The following GOPC variants were observed in gnomAD, a reference collection of about 807,000 sequenced individuals.
GOPC encodes the protein Golgi-associated PDZ and coiled-coil motif-containing protein.
A neutral mutation model predicts 51.2 loss-of-function variants in GOPC; 32 were observed. The observed-to-expected ratio is 0.63, with a 90% CI of 0.47 to 0.84. The LOEUF (loss-of-function observed/expected upper bound fraction) is 0.84, where lower values mean the gene tolerates loss of function less well. GOPC is among the 40% of genes least tolerant of loss of function. GOPC has a pLI of 0.00. For missense variants in GOPC, 441 were observed against 555.5 expected (o/e 0.79, Z 2.07); for synonymous variants, 190 against 205.1 (o/e 0.93, Z 0.63).
chr6:117,586,075 C>G (rs1388761537), intron 1 of GOPC, among the ~76,000 whole-genome samples: 2 of 152,114 alleles, frequency 1.3e-5, no homozygotes, highest in Non-Finnish European at 2.9e-5. Context: ...TTTTAAATAT[C>G]TGTATTCTCT....
At chr6:117,582,682 C>A (rs1779977756) in intron 1 of GOPC, among the ~76,000 whole-genome samples, 1 of 150,546 alleles carries the variant, frequency 6.6e-6, no homozygotes, top group East Asian at 2.0e-4. Context: ...TCCAGCTCCC[C>A]TCTCTGCTGA....
rs371647536 is a variant in GOPC at position 117,601,992 on chromosome 6, C to T, written c.285+12G>A. 3 of 1,612,546 alleles carry T rather than the reference C, an allele frequency of 1.9e-6. No individual in the cohort carries two copies. The African/African-American group carries it at 4.0e-5, about 22-fold the overall frequency. ...GGGTTGGATGCCATAGCCGCCAGCACCCACGGCTCACCTCCAGCTTGTGGT... is the reference window on the plus strand; with the variant it reads ...GGGTTGGATGCCATAGCCGCCAGCATCCACGGCTCACCTCCAGCTTGTGGT... On this transcript the variant is annotated intron_variant, in intron 1 of 8. Transcript: ENST00000368498.
chr6:117,590,787 G>A (rs565770721), intron 1 of GOPC, among the ~76,000 whole-genome samples: 1 of 152,132 alleles, frequency 6.6e-6, no homozygotes, highest in South Asian at 2.1e-4. Context: ...AGGTGAAACA[G>A]GGAATAACTA....
chr6:117,562,279 G>A lies in GOPC; in HGVS notation c.*975C>T, dbSNP rs926208967. On this transcript the variant is annotated 3_prime_UTR_variant, in exon 9 of 9. Coordinates refer to ENST00000368498, the MANE Select transcript of GOPC (RefSeq NM_020399.4). ...ATCTTGCCCACCTTTTAGATGACTGGAAATCATTTACTTAGAAAGAAAACT... is the reference window on the plus strand; with the variant it reads ...ATCTTGCCCACCTTTTAGATGACTGAAAATCATTTACTTAGAAAGAAAACT... 9 of 205,838 alleles carry A rather than the reference G, an allele frequency of 4.4e-5. No individual in the cohort carries two copies. Among genetic ancestry groups the A allele is most frequent in the Non-Finnish European group, 7.9e-5 (8 of 100,828 alleles). The allele number at this position is 205,838 out of a possible 1,614,324, so 12.8% of individuals were successfully genotyped here.
Position 117,573,727 on chromosome 6 carries a change from T to C in GOPC, c.651-95A>G, listed in dbSNP as rs1779839465. 8.9e-6 allele frequency: 9 copies of C among 1,009,770 alleles called. No individual in the cohort carries two copies. The South Asian group carries it at 1.8e-4, about 20-fold the overall frequency. The allele number at this position is 1,009,770 out of a possible 1,614,324, so 62.6% of individuals were successfully genotyped here. A position where few individuals can be genotyped will look rare whatever the true frequency, so the allele number is the denominator to read the frequency against. The stretch of plus-strand genomic sequence containing the variant: ...TGAACATAAGTAGCTTTTGCATGAA[T>C]CTCAAATTAGTGATAAAACTAATAC... On this transcript the variant is annotated intron_variant, in intron 4 of 8. Transcript: ENST00000368498.
chr6:117,590,571 C>CAAA (rs563071906), intron 1 of GOPC, among the ~76,000 whole-genome samples: 18 of 69,338 alleles, frequency 2.6e-4, no homozygotes, highest in South Asian at 6.2e-4. Context: ...GACCCTGTCT[C>CAAA]AAAAAAAAAA....
At chr6:117,575,511 T>A (rs1461810460) in intron 3 of GOPC, 159 bp from the exon 4 acceptor site, 1 of 771,258 alleles carries the variant, frequency 1.3e-6, no homozygotes, top group African/African-American at 1.7e-5. Flanking sequence ...ACTAGTACCA[T>A]AACATCTTGG....
rs1244626543 is a variant in GOPC, at chr6:117,573,448, A to AG, written c.816+18dup. 2 of 1,604,062 alleles carry AG rather than the reference A, an allele frequency of 1.2e-6. No homozygotes were observed. Among genetic ancestry groups the AG allele is most frequent in the East Asian group, 4.5e-5 (2 of 44,624 alleles). On this transcript the variant is annotated intron_variant, in intron 5 of 8. Transcript: ENST00000368498. ...AGAAAGAAGAGGCTGGGTGGGAAGC[A>AG]GCAGCAAAGCAAACATACATGGCCT...
At chr6:117,599,655 AT>A (rs1771960180) in intron 1 of GOPC, among the ~76,000 whole-genome samples, 1 of 152,264 alleles carries the variant, frequency 6.6e-6, no homozygotes, top group African/African-American at 2.4e-5. Flanking sequence ...AGTTTCAAGC[AT>A]AAAAAATATG....
chr6:117,578,092 CAT>C (rs1378618165), intron 2 of GOPC, among the ~76,000 whole-genome samples: 1 of 152,104 alleles, frequency 6.6e-6, no homozygotes, highest in Non-Finnish European at 1.5e-5. Context: ...ACACTCAAAA[CAT>C]ATGTGGTACA....
chr6:117,573,249 ACT>A (rs1186573519), intron 5 of GOPC, among the ~76,000 whole-genome samples: 1 of 152,354 alleles, frequency 6.6e-6, no homozygotes, highest in East Asian at 1.9e-4. Context: ...ACAATGGCTC[ACT>A]GTCTGCAGCA....
chr6:117,602,280 C>G lies in GOPC; in HGVS notation c.9G>C (p.Ala3=). The G allele has an allele frequency of 1.3e-6, 2 of 1,590,072 alleles. No homozygotes were observed. The highest frequency in any genetic ancestry group is 1.7e-6 in the Non-Finnish European group (2 of 1,175,590). The change falls in exon 1 of 9, where the codon GCG becomes GCC. Residue 3 remains alanine, a synonymous_variant. Transcript: ENST00000368498. ...CGGCTGCTGCTGGGCATGGACCGCC[C>G]GCCGACATGGCGCCGTCAAGGGCCT... The part of the protein sequence containing the change: MS[A]GGPCPAAAGG...
At chr6:117,600,563 G>A (rs190216602) in intron 1 of GOPC, among the ~76,000 whole-genome samples, 7 of 152,242 alleles carry the variant, frequency 4.6e-5, no homozygotes, top group Non-Finnish European at 5.9e-5. Context: ...AAGCACTTTG[G>A]GAGGCCAAGG....
chr6:117,567,110 G>T, intron 7 of GOPC, 76 bp from the exon 8 acceptor site: 1 of 1,043,664 alleles, frequency 9.6e-7, no homozygotes, highest in Non-Finnish European at 1.4e-6. Flanking sequence ...ATTCTTTGTG[G>T]GAAGGCTTAG....
chr6:117,589,979 T>G (rs1017885512), intron 1 of GOPC, among the ~76,000 whole-genome samples: 4 of 152,248 alleles, frequency 2.6e-5, no homozygotes, highest in African/African-American at 9.6e-5. Context: ...ACAAATTATA[T>G]GCTTGTGAAT....
Position 117,563,341 on chromosome 6 carries a change from G to A in GOPC, c.1302C>T (p.Asp434=), listed in dbSNP as rs762873808. 8 of 1,613,178 alleles carry A rather than the reference G, an allele frequency of 5.0e-6. No individual in the cohort carries two copies. The highest frequency in any genetic ancestry group is 5.1e-6 in the Non-Finnish European group (6 of 1,179,366). ...KAVTDTHENG[D]LGTASETPLD... Reference sequence around the variant, plus strand: ...GCGGAGTTTCACTTGCAGTGCCCAGGTCTCCATTTTCATGTGTGTCAGTTA... The same window carrying A: ...GCGGAGTTTCACTTGCAGTGCCCAGATCTCCATTTTCATGTGTGTCAGTTA... Residue 434 remains aspartate (D), a synonymous_variant, in exon 9 of 9, where the codon GAC becomes GAT. Coordinates refer to ENST00000368498, the MANE Select transcript of GOPC (RefSeq NM_020399.4).
rs1363194990 is a variant in GOPC, at chr6:117,562,740, A to T, written c.*514T>A. On this transcript the variant is annotated 3_prime_UTR_variant, in exon 9 of 9. Coordinates refer to ENST00000368498, the MANE Select transcript of GOPC (RefSeq NM_020399.4). ...GGTTTAGATTTTAGGATGCACAATA[A>T]ATTTTTTTAAGTCTAAAGCCTTTCA... is the stretch of plus-strand genomic sequence containing the variant. 1 of 207,298 alleles carries T rather than the reference A, an allele frequency of 4.8e-6. No homozygotes were observed. The highest frequency in any genetic ancestry group is 5.9e-5 in the Admixed American group (1 of 16,874). 12.8% of individuals were successfully genotyped at this position (207,298 alleles called of 1,614,324 possible). A position where few individuals can be genotyped will look rare whatever the true frequency, so the allele number is the denominator to read the frequency against.
chr6:117,575,764 G>A (rs1779873847), intron 3 of GOPC, among the ~76,000 whole-genome samples: 1 of 152,140 alleles, frequency 6.6e-6, no homozygotes, highest in Non-Finnish European at 1.5e-5. Context: ...CATTTATCCT[G>A]AGCAGAACTG....
At position 117,582,224 on chromosome 6, in the gene GOPC, TTCTC is replaced by T. The variant is rs377690619; in HGVS notation, c.286-3164_286-3161del. 2.0e-4 allele frequency among the ~76,000 whole-genome samples: 30 copies of T among 148,142 alleles called. No homozygotes were observed. The South Asian group carries it at 4.8e-3, about 24-fold the overall frequency. ...CATATTTTTCTTGGTGGTTTGTAAGTTCTCTCTCTCTCTCTCACTCTCTCCCTCC... is the reference window on the plus strand; with the variant it reads ...CATATTTTTCTTGGTGGTTTGTAAGTTCTCTCTCTCTCACTCTCTCCCTCC... On this transcript the variant is annotated intron_variant, in intron 1 of 8. Coordinates refer to ENST00000368498, the MANE Select transcript of GOPC (RefSeq NM_020399.4).
Sources: gnomAD v4.1 joint callset for allele counts (sites outside exome capture counted in the v4.1 genomes callset) on GRCh38, gnomAD v4.1.1 for gene constraint, MANE v1.5 for transcripts, NCBI Gene and HGNC (gene_info 2026-07-23, HGNC 2026-07-21) for gene names.